Variants in PDE4D observed in about 807,000 individuals in gnomAD.
The protein encoded by PDE4D is 3',5'-cyclic-AMP phosphodiesterase 4D.
Under a neutral mutation model 87.4 loss-of-function variants are expected in PDE4D, and 24 were observed. The observed-to-expected ratio is 0.27, with a 90% CI of 0.20 to 0.39. The LOEUF (loss-of-function observed/expected upper bound fraction) is 0.39. Ranked by LOEUF, PDE4D falls within the 10% of genes least tolerant of loss-of-function variation. The probability of loss-of-function intolerance (pLI) is 1.00; values close to 1 mark genes in which losing one functional copy is unlikely to be tolerated. For synonymous variants in PDE4D, 384 were observed against 383.2 expected (o/e 1.00, Z -0.02); for missense variants, 714 against 1,041.0 (o/e 0.69, Z 4.32).
chr5:59,315,444 T>C (rs1421725080), intron 1 of PDE4D, among the ~76,000 whole-genome samples: 1 of 151,918 alleles, frequency 6.6e-6, no homozygotes, highest in African/African-American at 2.4e-5. Flanking sequence ...TAGCCCCAAA[T>C]AATTGAGTCT....
intron 1 of PDE4D, among the ~76,000 whole-genome samples, chr5:59,253,499 C>T (rs191315580): frequency 2.6e-5 from 4 of 152,196 alleles, no homozygotes; most frequent in Admixed American, 2.0e-4. Context: ...AGTCACTACA[C>T]ACAGCGTACT....
At chr5:59,554,540 A>G (rs2153689101) in intron 1 of PDE4D, among the ~76,000 whole-genome samples, 1 of 152,322 alleles carries the variant, frequency 6.6e-6, no homozygotes, top group East Asian at 1.9e-4. Flanking sequence ...TTGGCGAGCA[A>G]TATCTAAAAT....
chr5:60,092,097 C>T (rs1447163028), intron 2 of PDE4D, among the ~76,000 whole-genome samples: 1 of 117,332 alleles, frequency 8.5e-6, no homozygotes, highest in African/African-American at 3.2e-5. Context: ...GAAATATATA[C>T]ACAATATAGT....
chr5:59,283,921 G>A (rs894223516), intron 1 of PDE4D, among the ~76,000 whole-genome samples: 1 of 152,126 alleles, frequency 6.6e-6, no homozygotes, highest in African/African-American at 2.4e-5. Flanking sequence ...TTTGGACTCT[G>A]TAAGCTTTGA....
intron 1 of PDE4D, among the ~76,000 whole-genome samples, chr5:59,559,958 A>G (rs1447349207): frequency 6.6e-6 from 1 of 152,242 alleles, no homozygotes; most frequent in Non-Finnish European, 1.5e-5. Context: ...CATATAGTCC[A>G]ATGGATTGCT....
chr5:59,472,026 G>A (rs570519721), intron 1 of PDE4D, among the ~76,000 whole-genome samples: 4 of 152,248 alleles, frequency 2.6e-5, no homozygotes, highest in African/African-American at 9.6e-5. Flanking sequence ...GAATATATAT[G>A]ACAGTAGGGA....
At chr5:59,805,820 C>T (rs536210279) in intron 1 of PDE4D, among the ~76,000 whole-genome samples, 3 of 152,312 alleles carry the variant, frequency 2.0e-5, no homozygotes, top group Non-Finnish European at 4.4e-5. Flanking sequence ...TAGGACAAGG[C>T]AAAACTGTGA....
In PDE4D at chr5:58,991,009, A is replaced by G. The variant is rs1973451; in HGVS notation, c.1189-107T>C. The G allele has an allele frequency of 0.84, 564,067 of 671,294 alleles. 237,288 individuals carry two copies. Among genetic ancestry groups the G allele is most frequent in the Admixed American group, 0.9 (34,322 of 37,940 alleles). The allele number at this position is 671,294 out of a possible 1,614,324, so 41.6% of individuals were successfully genotyped here. ...TTACAGACCTTAGGTGGCCGGGCAT[A>G]GAGGCTCAAGCCTGTAATCCCAGAA... On this transcript the variant is annotated intron_variant, in intron 8 of 14. Transcript: ENST00000340635.
chr5:60,006,989 T>A (rs1764558460), intron 2 of PDE4D, among the ~76,000 whole-genome samples: 1 of 151,942 alleles, frequency 6.6e-6, no homozygotes, highest in African/African-American at 2.4e-5. Context: ...GCTTTAGACT[T>A]TTTATTTTCC....
At chr5:59,752,907 T>G (rs1760688568) in intron 1 of PDE4D, among the ~76,000 whole-genome samples, 1 of 152,166 alleles carries the variant, frequency 6.6e-6, no homozygotes, top group Non-Finnish European at 1.5e-5. Flanking sequence ...GGTGTGAACT[T>G]TATCCTACAG....
chr5:60,110,464 C>T (rs1314244952), intron 2 of PDE4D, among the ~76,000 whole-genome samples: 1 of 152,006 alleles, frequency 6.6e-6, no homozygotes, highest in Non-Finnish European at 1.5e-5. Flanking sequence ...TATTATCTCA[C>T]CCCAGTTAGA....
intron 2 of PDE4D, chr5:59,988,795 T>C: frequency 1.4e-6 from 1 of 726,026 alleles, no homozygotes; most frequent in Non-Finnish European, 2.2e-6. Flanking sequence ...CTTAATACTT[T>C]CCTGGGAAAG....
rs186113958 is a variant in PDE4D at position 59,892,395 on chromosome 5, C to T, written c.455+773G>A. Among the ~76,000 whole-genome samples, 127 of 152,250 alleles carry T rather than the reference C, an allele frequency of 8.3e-4. 3 individuals carry two copies. Among genetic ancestry groups the T allele is most frequent in the Middle Eastern group, 3.4e-3 (1 of 294 alleles). On this transcript the variant is annotated intron_variant, in intron 1 of 14. Transcript: ENST00000340635. ...TGCTGCTAAAACAAGGCGCTTTCTTCCTGGGATTTTGCAGGGACGACTGAT... is the reference window on the plus strand; with the variant it reads ...TGCTGCTAAAACAAGGCGCTTTCTTTCTGGGATTTTGCAGGGACGACTGAT...
intron 1 of PDE4D, among the ~76,000 whole-genome samples, chr5:59,289,702 G>A (rs1241645328): frequency 6.6e-6 from 1 of 151,770 alleles, no homozygotes; most frequent in African/African-American, 2.4e-5. Context: ...AGAACAATCA[G>A]ACCAAAGAAA....
chr5:60,464,481 C>CA (rs1747192921), intron 1 of PDE4D, among the ~76,000 whole-genome samples: 1 of 152,154 alleles, frequency 6.6e-6, no homozygotes, highest in African/African-American at 2.4e-5. Flanking sequence ...CAGCTGTTGA[C>CA]AGAGCAGAGG....
intron 1 of PDE4D, among the ~76,000 whole-genome samples, chr5:59,295,789 C>T (rs1434099137): frequency 1.3e-5 from 2 of 151,460 alleles, no homozygotes; most frequent in African/African-American, 2.4e-5. Flanking sequence ...CTCAGGCCCC[C>T]TCAGAAATCA....
chr5:59,372,741 G>C lies in PDE4D; in HGVS notation c.456-156773C>G, dbSNP rs114972109. On this transcript the variant is annotated intron_variant, in intron 1 of 14. Coordinates refer to ENST00000340635, the MANE Select transcript of PDE4D (RefSeq NM_001104631.2). ...AAGCTGCATTGCCTCTGCCACTCTG[G>C]TGAACATCTGCAAGGAGGCAGGCAC... is the stretch of plus-strand genomic sequence containing the variant. Among the ~76,000 whole-genome samples, 444 of 152,292 alleles carry C rather than the reference G, an allele frequency of 2.9e-3. 4 individuals are homozygous for C. Among genetic ancestry groups the C allele is most frequent in the African/African-American group, 0.01 (417 of 41,550 alleles).
intron 1 of PDE4D, among the ~76,000 whole-genome samples, chr5:60,304,521 T>A (rs1197936645): frequency 6.6e-6 from 1 of 150,954 alleles, no homozygotes; most frequent in Non-Finnish European, 1.5e-5. Flanking sequence ...GGCGGGCGCC[T>A]GTAGTCCCAG....
chr5:59,206,174 A>G (rs1748748402), intron 2 of PDE4D, among the ~76,000 whole-genome samples: 2 of 152,278 alleles, frequency 1.3e-5, no homozygotes, highest in African/African-American at 4.8e-5. Context: ...GGCAGACGGA[A>G]TAATTGGGGT....
Sources: gnomAD v4.1 joint callset for allele counts (sites outside exome capture counted in the v4.1 genomes callset) on GRCh38, gnomAD v4.1.1 for gene constraint, MANE v1.5 for transcripts, NCBI Gene and HGNC (gene_info 2026-07-23, HGNC 2026-07-21) for gene names.